CEP250: variants seen among roughly 807,000 people sequenced by gnomAD.
CEP250 encodes centrosome-associated protein CEP250.
A neutral mutation model predicts 315.7 loss-of-function variants in CEP250; 242 were observed. The ratio of observed to expected loss-of-function variants is 0.77; its 90% CI spans 0.69 to 0.85. The LOEUF (loss-of-function observed/expected upper bound fraction) is 0.85. Ranked by LOEUF, CEP250 falls within the 40% of genes least tolerant of loss-of-function variation. The pLI is 0.00. For missense variants in CEP250, 2,515 were observed against 2,886.4 expected (o/e 0.87, Z 2.95); for synonymous variants, 1,088 against 1,175.0 (o/e 0.93, Z 1.51).
At position 35,500,102 on chromosome 20, in the gene CEP250, G is replaced by A; in HGVS notation, c.3831G>A (p.Glu1277=). Residue 1277 remains glutamate (E), a synonymous_variant, in exon 28 of 35, where the codon GAG becomes GAA. Transcript: ENST00000397527. ...QKLEERLTDT[E]AEKSQVHTEL... ...TGGAAGAGCGTCTAACTGATACTGA[G>A]GCTGAGAAGAGCCAGGTCCACACAG... 6.2e-7 allele frequency: 1 copy of A among 1,614,112 alleles called. No individual in the cohort carries two copies.
In CEP250 at chr20:35,516,366, C is replaced by T. The variant is rs1040947690; in HGVS notation, c.*4740C>T. Reference sequence around the variant, plus strand: ...TCCTGTCTTGGTTTCCTATCAAAACCTCTCCCGTATCTATGAACATTCCAG... The same window carrying T: ...TCCTGTCTTGGTTTCCTATCAAAACTTCTCCCGTATCTATGAACATTCCAG... On this transcript the variant is annotated 3_prime_UTR_variant, in exon 35 of 35. Coordinates refer to ENST00000397527, the MANE Select transcript of CEP250 (RefSeq NM_007186.6). 3 of 152,240 alleles carry T rather than the reference C, an allele frequency of 2.0e-5. No individual in the cohort carries two copies. Among genetic ancestry groups the T allele is most frequent in the Non-Finnish European group, 2.9e-5 (2 of 68,050 alleles). The allele number at this position is 152,240 out of a possible 1,614,324, so 9.4% of individuals were successfully genotyped here. A position where few individuals can be genotyped will look rare whatever the true frequency, so the allele number is the denominator to read the frequency against.
intron 5 of CEP250, 26 bp from the exon 6 acceptor site, chr20:35,465,717 G>A: frequency 6.5e-7 from 1 of 1,547,818 alleles, no homozygotes; most frequent in Non-Finnish European, 8.7e-7. Flanking sequence ...TTGGAGGTAA[G>A]TAAGGCTTGT....
intron 3 of CEP250, among the ~76,000 whole-genome samples, chr20:35,460,526 G>A (rs542382287): frequency 7.2e-5 from 11 of 152,182 alleles, no homozygotes; most frequent in African/African-American, 2.4e-4. Flanking sequence ...CAGAGCACAC[G>A]CCCTGTCTAA....
chr20:35,490,179 G>T (rs1369346457), intron 20 of CEP250, among the ~76,000 whole-genome samples: 1 of 152,110 alleles, frequency 6.6e-6, no homozygotes, highest in African/African-American at 2.4e-5. Flanking sequence ...TGGGCATGGT[G>T]GGGGGCACCT....
At chr20:35,480,729 A>C (rs1394368941) in intron 20 of CEP250, among the ~76,000 whole-genome samples, 1 of 151,094 alleles carries the variant, frequency 6.6e-6, no homozygotes, top group East Asian at 1.9e-4. Context: ...AGTAGCTGGG[A>C]TTACAGGTGT....
In CEP250 at chr20:35,504,668, A is replaced by G. The variant is rs559722278; in HGVS notation, c.6299A>G (p.Gln2100Arg). ...CTTCATCAGAGTGTAAGGGAGCTAC[A>G]GCTGACTCTAGCCCAAAAGGAACAG... is the stretch of plus-strand genomic sequence containing the variant. The part of the protein sequence containing the change: ...RGLHQSVREL[Q>R]LTLAQKEQEI... The change falls in exon 30 of 35, where the codon CAG (glutamine) becomes CGG (arginine). Residue 2100 changes from glutamine (Q) to arginine (R), a missense_variant. By Grantham distance (43) the Gln-to-Arg change is conservative. Transcript: ENST00000397527. The G allele has an allele frequency of 1.9e-6, 3 of 1,614,074 alleles. No homozygotes were observed. The East Asian group carries it at 6.7e-5, about 36-fold the overall frequency.
chr20:35,462,411 C>A lies in CEP250; in HGVS notation c.44C>A (p.Ser15Ter). The A allele has an allele frequency of 2.5e-6, 4 of 1,598,944 alleles. No homozygotes were observed. Among genetic ancestry groups the A allele is most frequent in the Non-Finnish European group, 3.4e-6 (4 of 1,172,400 alleles). ...GGGTTGAACAACATGAAGCCCCAGT[C>A]ACTGCAGCTGGTACTGGAAGAGCAG... ...SPGLNNMKPQ[S>*]LQLVLEEQVL... The change falls in exon 4 of 35, where the codon TCA becomes TAA. Residue 15 changes from serine to a stop codon, truncating the protein, a stop_gained. Transcript: ENST00000397527. LOFTEE classifies it high-confidence loss of function.
At chr20:35,456,361 C>T (rs1460091384) in intron 1 of CEP250, among the ~76,000 whole-genome samples, 1 of 152,202 alleles carries the variant, frequency 6.6e-6, no homozygotes, top group African/African-American at 2.4e-5. Context: ...CATTTGATGA[C>T]TTGACTAGAT....
chr20:35,470,071 G>T, intron 10 of CEP250, 85 bp downstream of exon 10: 2 of 845,418 alleles, frequency 2.4e-6, no homozygotes, highest in Middle Eastern at 4.5e-4. Flanking sequence ...CAGGATACCA[G>T]TTACATATTC....
intron 28 of CEP250, among the ~76,000 whole-genome samples, chr20:35,500,595 A>G (rs1165246014): frequency 6.6e-6 from 1 of 152,216 alleles, no homozygotes; most frequent in East Asian, 1.9e-4. Context: ...GATGATTACC[A>G]GGCAGCGCTG....
intron 10 of CEP250, 184 bp downstream of exon 10, chr20:35,470,170 A>G (rs2062990103): frequency 1.1e-5 from 7 of 618,528 alleles, no homozygotes; most frequent in South Asian, 1.0e-4. Flanking sequence ...AATAAATACT[A>G]TTGACTGTCT....
At chr20:35,508,834 A>C in intron 32 of CEP250, 109 bp from the exon 33 acceptor site, 1 of 818,522 alleles carries the variant, frequency 1.2e-6, no homozygotes, top group Non-Finnish European at 1.9e-6. Flanking sequence ...TCCCATGGTT[A>C]CTGTCCCCTC....
rs1040000069 is a variant in CEP250, at chr20:35,476,755, C to T, written c.1863+160C>T. The T allele has an allele frequency of 1.5e-5, 9 of 584,664 alleles. No homozygotes were observed. The East Asian group carries it at 2.6e-4, about 17-fold the overall frequency. 36.2% of individuals were successfully genotyped at this position (584,664 alleles called of 1,614,324 possible). On this transcript the variant is annotated intron_variant, in intron 16 of 34. Coordinates refer to ENST00000397527, the MANE Select transcript of CEP250 (RefSeq NM_007186.6). Reference sequence around the variant, plus strand: ...ATTGGGCTTAGCCATTATAAATATTCCCCTCCCACACCTCCAGCAGAACCA... The same window carrying T: ...ATTGGGCTTAGCCATTATAAATATTTCCCTCCCACACCTCCAGCAGAACCA...
chr20:35,502,286 C>G, intron 29 of CEP250, 104 bp from the exon 30 acceptor site: 2 of 1,059,576 alleles, frequency 1.9e-6, no homozygotes, highest in Admixed American at 5.7e-5. Flanking sequence ...TTGCCCAAGT[C>G]CTTATCACTG....
At chr20:35,509,654 C>T (rs184652560) in intron 33 of CEP250, among the ~76,000 whole-genome samples, 32 of 152,350 alleles carry the variant, frequency 2.1e-4, no homozygotes, top group Non-Finnish European at 4.1e-4. Context: ...GGGCAGGCAC[C>T]GTGTCTTCCT....
Position 35,519,052 on chromosome 20 carries a change from A to T in CEP250, c.*7426A>T, listed in dbSNP as rs1038037743. 6.6e-6 allele frequency: 1 copy of T among 151,860 alleles called. No homozygotes were observed. Among genetic ancestry groups the T allele is most frequent in the Non-Finnish European group, 1.5e-5 (1 of 67,930 alleles). The allele number at this position is 151,860 out of a possible 1,614,324, so 9.4% of individuals were successfully genotyped here. A position where few individuals can be genotyped will look rare whatever the true frequency, so the allele number is the denominator to read the frequency against. ...CGTCTCAAAAAAAAAAAAAATACGA[A>T]AAACAAAAAACATAATCTGGATTGC... On this transcript the variant is annotated 3_prime_UTR_variant, in exon 35 of 35. Coordinates refer to ENST00000397527, the MANE Select transcript of CEP250 (RefSeq NM_007186.6).
At chr20:35,467,603 C>T in intron 9 of CEP250, 48 bp downstream of exon 9, 1 of 1,594,574 alleles carries the variant, frequency 6.3e-7, no homozygotes, top group South Asian at 1.1e-5. Context: ...AGAGAGCTGA[C>T]TCCTTTAGAG....
chr20:35,509,884 G>T, intron 33 of CEP250, 114 bp from the exon 34 acceptor site: 1 of 922,372 alleles, frequency 1.1e-6, no homozygotes, highest in Admixed American at 1.8e-5. Flanking sequence ...GATGCTTCTG[G>T]CCCATAGCCC....
chr20:35,488,159 C>G (rs1221868094), intron 20 of CEP250, among the ~76,000 whole-genome samples: 1 of 152,258 alleles, frequency 6.6e-6, no homozygotes, highest in African/African-American at 2.4e-5. Context: ...TTACTTCCTA[C>G]ACATCACAGA....
Sources: allele counts gnomAD v4.1 joint callset (sites outside exome capture counted in the v4.1 genomes callset), GRCh38; gene constraint gnomAD v4.1.1; transcripts MANE v1.5; gene names NCBI Gene and HGNC (gene_info 2026-07-23, HGNC 2026-07-21).